Variants in BRDT observed in about 807,000 individuals in gnomAD.
BRDT encodes the protein bromodomain testis-specific protein.
A neutral mutation model predicts 113.9 loss-of-function variants in BRDT; 77 were observed. The observed-to-expected ratio is 0.68, with a 90% CI of 0.56 to 0.82. The LOEUF (loss-of-function observed/expected upper bound fraction) is 0.82, where lower values mean the gene tolerates loss of function less well. BRDT is among the 40% of genes least tolerant of loss of function. The pLI is 0.00. For missense variants in BRDT, 1,027 were observed against 1,105.4 expected (o/e 0.93, Z 1.01); for synonymous variants, 358 against 366.5 (o/e 0.98, Z 0.26).
At chr1:91,965,887 G>GA (rs1683019658) in intron 3 of BRDT, among the ~76,000 whole-genome samples, 1 of 151,676 alleles carries the variant, frequency 6.6e-6, no homozygotes. Context: ...TGAGTCCTTT[G>GA]ATTCTCCCTT....
chr1:91,957,074 T>C (rs1681851500), intron 1 of BRDT, among the ~76,000 whole-genome samples: 2 of 152,230 alleles, frequency 1.3e-5, no homozygotes, highest in South Asian at 4.1e-4. Flanking sequence ...TCTAGGAAGG[T>C]AACTGAGGAA....
chr1:91,962,751 A>C lies in BRDT; in HGVS notation c.-4A>C, dbSNP rs1421226529. ...CTTGTAGACAGGATTCAAAGCAGTT[A>C]AGAATGTCTCTGCCAAGTCGACAAA... On this transcript the variant is annotated 5_prime_UTR_variant, in exon 2 of 19. Coordinates refer to ENST00000399546, the MANE Select transcript of BRDT (RefSeq NM_207189.4). 2 of 1,579,958 alleles carry C rather than the reference A, an allele frequency of 1.3e-6. No homozygotes were observed. The highest frequency in any genetic ancestry group is 2.7e-5 in the African/African-American group (2 of 73,318).
intron 13 of BRDT, among the ~76,000 whole-genome samples, chr1:91,991,730 C>T (rs763203046): frequency 1.2e-4 from 19 of 152,142 alleles, no homozygotes; most frequent in African/African-American, 3.6e-4. Context: ...AGGTGGCTCA[C>T]GCCTGTAATC....
chr1:91,979,838 TGTTATA>T (rs1557833988), intron 8 of BRDT, 81 bp downstream of exon 8: 22 of 1,370,614 alleles, frequency 1.6e-5, no homozygotes, highest in Middle Eastern at 1.9e-4. Flanking sequence ...GATTTAAAGC[TGTTATA>T]GTTAAATCGC....
At chr1:91,978,098 T>C (rs1684327140) in intron 6 of BRDT, 70 bp from the exon 7 acceptor site, 1 of 1,382,292 alleles carries the variant, frequency 7.2e-7, no homozygotes, top group African/African-American at 1.4e-5. Flanking sequence ...AATATGAACA[T>C]TTAATGTACG....
intron 16 of BRDT, among the ~76,000 whole-genome samples, chr1:92,004,035 T>C (rs1420674771): frequency 6.6e-6 from 1 of 152,138 alleles, no homozygotes; most frequent in African/African-American, 2.4e-5. Context: ...AATCTTACTT[T>C]GCCTCTTATT....
intron 3 of BRDT, among the ~76,000 whole-genome samples, chr1:91,965,994 T>C (rs1683029943): frequency 6.6e-6 from 1 of 152,188 alleles, no homozygotes; most frequent in African/African-American, 2.4e-5. Flanking sequence ...TGTTAATGAA[T>C]TTGCCCATAT....
At chr1:91,956,609 C>T (rs890226635) in intron 1 of BRDT, among the ~76,000 whole-genome samples, 14 of 152,044 alleles carry the variant, frequency 9.2e-5, no homozygotes, top group African/African-American at 3.4e-4. Context: ...AGCTCTAAGT[C>T]CCTGAATTTT....
At chr1:91,954,998 G>A (rs1448623105) in intron 1 of BRDT, among the ~76,000 whole-genome samples, 1 of 152,118 alleles carries the variant, frequency 6.6e-6, no homozygotes, top group Admixed American at 6.6e-5. Context: ...ACTTAGATGG[G>A]TTAGACTGCA....
chr1:91,969,969 C>T (rs1570486103), intron 4 of BRDT, among the ~76,000 whole-genome samples: 1 of 151,748 alleles, frequency 6.6e-6, no homozygotes, highest in Non-Finnish European at 1.5e-5. Context: ...GCTGGGATTA[C>T]AGGCGCATGC....
At chr1:91,976,889 A>G (rs888753313) in intron 5 of BRDT, among the ~76,000 whole-genome samples, 154 bp from the exon 6 acceptor site, 1 of 152,226 alleles carries the variant, frequency 6.6e-6, no homozygotes, top group Non-Finnish European at 1.5e-5. Context: ...ACCTTTAGCA[A>G]TATTTAATAC....
In BRDT at chr1:92,004,475, G is replaced by A; in HGVS notation, c.2450G>A (p.Gly817Asp). The A allele has an allele frequency of 6.2e-7, 1 of 1,612,600 alleles. No homozygotes were observed. The highest frequency in any genetic ancestry group is 8.5e-7 in the Non-Finnish European group (1 of 1,179,546). Residue 817 changes from glycine to aspartate, a missense_variant, in exon 17 of 19, where the codon GGT becomes GAT. Coordinates refer to ENST00000399546, the MANE Select transcript of BRDT (RefSeq NM_207189.4). ...KSLGKPVKPS[G>D]VMKSSDELFN... ...TTAGGCAAACCAGTGAAACCATCAG[G>A]TGTAATGAAATCCTCAGATGAGCTC...
intron 1 of BRDT, among the ~76,000 whole-genome samples, chr1:91,953,917 A>T (rs139144192): frequency 3.3e-5 from 5 of 151,976 alleles, no homozygotes; most frequent in Non-Finnish European, 5.9e-5. Flanking sequence ...TCATCTGCTC[A>T]TGATACATTT....
intron 2 of BRDT, among the ~76,000 whole-genome samples, chr1:91,963,448 TA>T (rs1682716712): frequency 6.6e-6 from 1 of 152,270 alleles, no homozygotes; most frequent in African/African-American, 2.4e-5. Context: ...TAATTTGTGA[TA>T]AATTGTAATA....
rs1193885691 is a variant in BRDT, at chr1:91,979,468, G to C, written c.1099-101G>C. 12 of 1,157,440 alleles carry C rather than the reference G, an allele frequency of 1.0e-5. No homozygotes were observed. In the East Asian group the frequency reaches 2.5e-4, roughly 24 times the overall value. The allele number at this position is 1,157,440 out of a possible 1,614,324, so 71.7% of individuals were successfully genotyped here. A position where few individuals can be genotyped will look rare whatever the true frequency, so the allele number is the denominator to read the frequency against. Reference sequence around the variant, plus strand: ...ATATCTTAAAGGAAAAAAGAATTCTGGTCAAAATATGACACTGAAATGTAC... The same window carrying C: ...ATATCTTAAAGGAAAAAAGAATTCTCGTCAAAATATGACACTGAAATGTAC... On this transcript the variant is annotated intron_variant, in intron 7 of 18. Coordinates refer to ENST00000399546, the MANE Select transcript of BRDT (RefSeq NM_207189.4).
intron 4 of BRDT, among the ~76,000 whole-genome samples, chr1:91,976,058 A>C (rs2101645569): frequency 6.6e-6 from 1 of 152,326 alleles, no homozygotes; most frequent in African/African-American, 2.4e-5. Flanking sequence ...TGATAAACCT[A>C]CCATTAATAA....
At chr1:91,985,703 G>GGA (rs1685157619) in intron 12 of BRDT, among the ~76,000 whole-genome samples, 1 of 133,600 alleles carries the variant, frequency 7.5e-6, no homozygotes, top group Non-Finnish European at 1.5e-5. Context: ...CAGTGGCGCC[G>GGA]TCTGGGCTTA....
At chr1:91,994,311 A>G in intron 15 of BRDT, 57 bp downstream of exon 15, 7 of 1,323,120 alleles carry the variant, frequency 5.3e-6, no homozygotes, top group South Asian at 1.5e-5. Context: ...AAACCTATAC[A>G]TATATGAAAA....
intron 12 of BRDT, among the ~76,000 whole-genome samples, chr1:91,985,742 T>C (rs1685163608): frequency 6.6e-6 from 1 of 150,856 alleles, no homozygotes; most frequent in South Asian, 2.1e-4. Context: ...GGGTTCACGT[T>C]ATTCTCCTGC....
Sources: gnomAD v4.1 joint callset for allele counts (sites outside exome capture counted in the v4.1 genomes callset) on GRCh38, gnomAD v4.1.1 for gene constraint, MANE v1.5 for transcripts, NCBI Gene and HGNC (gene_info 2026-07-23, HGNC 2026-07-21) for gene names.